LAMA2: variants seen among roughly 807,000 people sequenced by gnomAD.
The protein encoded by LAMA2 is laminin subunit alpha-2.
LAMA2 carries 269 observed loss-of-function variants against 364.8 expected under a neutral mutation model. The observed-to-expected ratio is 0.74, with a 90% CI of 0.67 to 0.82. LAMA2 has a LOEUF of 0.82. Ranked by LOEUF, LAMA2 falls within the 40% of genes least tolerant of loss-of-function variation. The pLI, the probability that LAMA2 is intolerant of heterozygous loss-of-function variation, is 0.00. For synonymous variants in LAMA2, 1,379 were observed against 1,370.6 expected (o/e 1.01, Z -0.14); for missense variants, 3,807 against 3,873.2 (o/e 0.98, Z 0.45).
Position 129,172,967 on chromosome 6 carries a change from C to A in LAMA2, c.1307-4739C>A, listed in dbSNP as rs548618065. Among the ~76,000 whole-genome samples, 3 of 152,188 alleles carry A rather than the reference C, an allele frequency of 2.0e-5. 1 individual carries two copies. Among genetic ancestry groups the A allele is most frequent in the South Asian group, 4.1e-4 (2 of 4,830 alleles). On this transcript the variant is annotated intron_variant, in intron 9 of 64. Transcript: ENST00000421865. Reference sequence around the variant, plus strand: ...CCGTCCGTCACCCCTTTCTGTGACTCGGAAAGGGAACTCCCTGACCCCTTG... The same window carrying A: ...CCGTCCGTCACCCCTTTCTGTGACTAGGAAAGGGAACTCCCTGACCCCTTG...
At chr6:128,886,509 T>A (rs1279154677) in intron 1 of LAMA2, among the ~76,000 whole-genome samples, 1 of 152,140 alleles carries the variant, frequency 6.6e-6, no homozygotes, top group Non-Finnish European at 1.5e-5. Context: ...CATTTGGGTA[T>A]TTCATTGACA....
In LAMA2 at chr6:129,486,621, G is replaced by C; in HGVS notation, c.7897G>C (p.Gly2633Arg). ...TTCCGTTCATGTAGAGCGAACTAGA[G>C]GGTAACAATAGCACTAAAATATTTA... is the stretch of plus-strand genomic sequence containing the variant. The part of the protein sequence containing the change: ...EHSVHVERTR[G>R]IFTVQVDENR... The change falls in exon 56 of 65, where the codon GGC (glycine) becomes CGC (arginine). Residue 2633 changes from glycine (G) to arginine (R), a missense_variant and splice_region_variant. By Grantham distance (125) the Gly-to-Arg change is moderately radical. Transcript: ENST00000421865. The C allele has an allele frequency of 1.9e-6, 3 of 1,613,174 alleles. No individual in the cohort carries two copies. Among genetic ancestry groups the C allele is most frequent in the Non-Finnish European group, 2.5e-6 (3 of 1,179,200 alleles).
intron 4 of LAMA2, among the ~76,000 whole-genome samples, chr6:129,132,074 G>C (rs1167214769): frequency 6.6e-6 from 1 of 152,068 alleles, no homozygotes; most frequent in Non-Finnish European, 1.5e-5. Context: ...CAAAAGTCAG[G>C]GGATGAGACT....
chr6:129,506,145 G>A (rs1234788907), intron 61 of LAMA2, among the ~76,000 whole-genome samples: 2 of 151,978 alleles, frequency 1.3e-5, no homozygotes, highest in Non-Finnish European at 2.9e-5. Flanking sequence ...TTGAGACCAG[G>A]AGTTCAAGAT....
At chr6:129,436,255 G>A (rs768031063) in intron 41 of LAMA2, among the ~76,000 whole-genome samples, 1 of 152,054 alleles carries the variant, frequency 6.6e-6, no homozygotes, top group Admixed American at 6.6e-5. Context: ...ATTAATTACT[G>A]TAAAGGTTTT....
intron 10 of LAMA2, among the ~76,000 whole-genome samples, chr6:129,186,573 TGC>T (rs1781241110): frequency 6.6e-6 from 1 of 151,808 alleles, no homozygotes; most frequent in Non-Finnish European, 1.5e-5. Context: ...AAGAGGACAC[TGC>T]AACAGTAGCC....
intron 1 of LAMA2, among the ~76,000 whole-genome samples, chr6:128,939,027 T>C (rs978288298): frequency 5.3e-5 from 8 of 152,242 alleles, no homozygotes; most frequent in Admixed American, 2.0e-4. Context: ...TTTGGAACAG[T>C]TATTCAGCTT....
intron 40 of LAMA2, among the ~76,000 whole-genome samples, chr6:129,405,522 C>G (rs1780204169): frequency 6.6e-6 from 1 of 152,096 alleles, no homozygotes; most frequent in Admixed American, 6.5e-5. Flanking sequence ...ACCATGTCTG[C>G]TGTTATCATT....
chr6:129,316,092 G>A lies in LAMA2; in HGVS notation c.3979G>A (p.Glu1327Lys). The A allele has an allele frequency of 6.2e-7, 1 of 1,612,384 alleles. No individual in the cohort carries two copies. The highest frequency in any genetic ancestry group is 8.5e-7 in the Non-Finnish European group (1 of 1,178,472). ...DPRVHRTVTR[E>K]DFLDILYDIH... The stretch of plus-strand genomic sequence containing the variant: ...TCGAGTCCATAGAACTGTGACCCGA[G>A]AAGACTTCTTGGATATACTATATGA... The change falls in exon 27 of 65, where the codon GAA becomes AAA. Residue 1327 changes from glutamate to lysine, a missense_variant. Around this residue, in one of 3 missense-constraint regions of LAMA2, gnomAD observed 3,333 missense variants for 3,345.7 expected, o/e 1.00. Coordinates refer to ENST00000421865, the MANE Select transcript of LAMA2 (RefSeq NM_000426.4).
At chr6:129,037,585 C>T (rs938261680) in intron 1 of LAMA2, among the ~76,000 whole-genome samples, 1 of 151,934 alleles carries the variant, frequency 6.6e-6, no homozygotes, top group Non-Finnish European at 1.5e-5. Flanking sequence ...CTATTGGTAT[C>T]TCCGCATGTT....
At position 129,460,183 on chromosome 6, in the gene LAMA2, G is replaced by T; in HGVS notation, c.6868-17G>T. 1 of 1,610,682 alleles carries T rather than the reference G, an allele frequency of 6.2e-7. No homozygotes were observed. The highest frequency in any genetic ancestry group is 8.5e-7 in the Non-Finnish European group (1 of 1,177,492). On this transcript the variant is annotated splice_polypyrimidine_tract_variant and intron_variant, in intron 48 of 64. Coordinates refer to ENST00000421865, the MANE Select transcript of LAMA2 (RefSeq NM_000426.4). ...GAAATTCCAAATTCTAGCAAATAAC[G>T]GTATTTCTTTCTGCAGAAGGCTGAT... is the stretch of plus-strand genomic sequence containing the variant.
chr6:128,893,709 G>A (rs939491722), intron 1 of LAMA2, among the ~76,000 whole-genome samples: 10 of 151,716 alleles, frequency 6.6e-5, no homozygotes, highest in Admixed American at 6.6e-5. Context: ...AAAAATAATT[G>A]AAACTTTGAT....
At chr6:129,250,747 G>A (rs2114278867) in intron 13 of LAMA2, among the ~76,000 whole-genome samples, 1 of 152,192 alleles carries the variant, frequency 6.6e-6, no homozygotes, top group Non-Finnish European at 1.5e-5. Flanking sequence ...TTTCCTTAGA[G>A]GCTCTCTGCC....
intron 4 of LAMA2, among the ~76,000 whole-genome samples, chr6:129,142,922 CAT>C (rs1310587324): frequency 6.6e-6 from 1 of 151,916 alleles, no homozygotes; most frequent in Non-Finnish European, 1.5e-5. Context: ...ATAGGGCCCT[CAT>C]ATATTTGTGC....
At chr6:128,959,732 T>G (rs1390163199) in intron 1 of LAMA2, among the ~76,000 whole-genome samples, 1 of 152,102 alleles carries the variant, frequency 6.6e-6, no homozygotes, top group Non-Finnish European at 1.5e-5. Context: ...CCTAAACAAG[T>G]CTTAGTATTT....
intron 35 of LAMA2, among the ~76,000 whole-genome samples, chr6:129,386,816 G>C (rs1562516683): frequency 6.6e-6 from 1 of 152,100 alleles, no homozygotes; most frequent in Non-Finnish European, 1.5e-5. Flanking sequence ...AAACCCATTT[G>C]AAAGATGCTC....
chr6:129,358,127 T>C (rs1031025465), intron 32 of LAMA2, among the ~76,000 whole-genome samples: 1 of 152,070 alleles, frequency 6.6e-6, no homozygotes, highest in African/African-American at 2.4e-5. Flanking sequence ...AAACATCTTC[T>C]GTTCACCTTG....
intron 1 of LAMA2, among the ~76,000 whole-genome samples, chr6:128,961,153 G>A (rs2114593395): frequency 6.6e-6 from 1 of 150,548 alleles, no homozygotes; most frequent in Non-Finnish European, 1.5e-5. Flanking sequence ...ATGAGCTAAG[G>A]ATGAGAATAA....
intron 1 of LAMA2, 145 bp downstream of exon 1, chr6:128,883,502 G>C (rs1049288329): frequency 3.0e-6 from 4 of 1,351,086 alleles, no homozygotes; most frequent in South Asian, 1.3e-5. Flanking sequence ...GGAACTTGAA[G>C]CAAGTTCAAG....
Sources: gnomAD v4.1 joint callset for allele counts (sites outside exome capture counted in the v4.1 genomes callset) on GRCh38, gnomAD v4.1.1 for gene constraint, gnomAD v4.1.1 regional missense constraint, MANE v1.5 for transcripts, NCBI Gene and HGNC (gene_info 2026-07-23, HGNC 2026-07-21) for gene names.